EPHA6: variants seen among roughly 807,000 people sequenced by gnomAD.
The protein encoded by EPHA6 is ephrin type-A receptor 6.
In EPHA6, 50 loss-of-function variants were observed where a neutral mutation model predicts 112.0. The observed-to-expected ratio is 0.45, with a 90% confidence interval of 0.36 to 0.56. The LOEUF is 0.56. Among genes scored for constraint, EPHA6 ranks in the 20% least tolerant of loss-of-function variants. The pLI, the probability that EPHA6 is intolerant of heterozygous loss-of-function variation, is 0.00. For synonymous variants in EPHA6, 529 were observed against 490.7 expected (o/e 1.08, Z -1.03); for missense variants, 1,280 against 1,417.4 (o/e 0.90, Z 1.56).
intron 14 of EPHA6, among the ~76,000 whole-genome samples, chr3:97,639,852 C>T (rs1402553033): frequency 6.6e-6 from 1 of 152,146 alleles, no homozygotes; most frequent in Non-Finnish European, 1.5e-5. Context: ...AATATTAACA[C>T]TCTAAAAACT....
chr3:97,492,519 G>T (rs1167352528), intron 10 of EPHA6, among the ~76,000 whole-genome samples: 3 of 114,724 alleles, frequency 2.6e-5, no homozygotes, highest in Non-Finnish European at 5.0e-5. Context: ...TCCATCCTGG[G>T]TGACAGAGCG....
chr3:97,591,624 A>G (rs2093545450), intron 11 of EPHA6, among the ~76,000 whole-genome samples: 1 of 152,174 alleles, frequency 6.6e-6, no homozygotes, highest in Non-Finnish European at 1.5e-5. Flanking sequence ...ATCAGTTACC[A>G]GTGATGCCCA....
chr3:97,470,774 T>C (rs2091206462), intron 7 of EPHA6, among the ~76,000 whole-genome samples: 1 of 151,652 alleles, frequency 6.6e-6, no homozygotes, highest in Non-Finnish European at 1.5e-5. Context: ...GGATAATTGC[T>C]TCCTCTTAAG....
chr3:97,496,419 T>C (rs992194223), intron 10 of EPHA6, among the ~76,000 whole-genome samples: 2 of 152,176 alleles, frequency 1.3e-5, no homozygotes, highest in African/African-American at 2.4e-5. Context: ...ATGTCTATTT[T>C]ACAGATACGA....
intron 8 of EPHA6, 142 bp downstream of exon 8, chr3:97,475,602 C>CA (rs1553786287): frequency 1.8e-6 from 1 of 568,202 alleles, no homozygotes; most frequent in Non-Finnish European, 3.1e-6. Context: ...GACAGTGAAC[C>CA]ATCATTAGTT....
intron 7 of EPHA6, among the ~76,000 whole-genome samples, chr3:97,461,856 C>A (rs1164756229): frequency 1.3e-5 from 2 of 152,164 alleles, no homozygotes; most frequent in Non-Finnish European, 2.9e-5. Context: ...GTTTTGACTT[C>A]TGAGATACCA....
At chr3:97,294,477 A>G (rs1394193927) in intron 5 of EPHA6, among the ~76,000 whole-genome samples, 1 of 151,902 alleles carries the variant, frequency 6.6e-6, no homozygotes, top group African/African-American at 2.4e-5. Flanking sequence ...TCATTCAACC[A>G]GTCTATATTT....
intron 7 of EPHA6, among the ~76,000 whole-genome samples, chr3:97,474,650 G>T (rs1269166889): frequency 6.6e-6 from 1 of 151,872 alleles, no homozygotes; most frequent in Non-Finnish European, 1.5e-5. Context: ...AATGATATAT[G>T]TTAAAAGATT....
In EPHA6 at chr3:96,896,935, G is replaced by A. The variant is rs548221724; in HGVS notation, c.450+30046G>A. Among the ~76,000 whole-genome samples, 384 of 152,136 alleles carry A rather than the reference G, an allele frequency of 2.5e-3. 4 individuals are homozygous for A. The highest frequency in any genetic ancestry group is 9.1e-3 in the African/African-American group (376 of 41,500). On this transcript the variant is annotated intron_variant, in intron 2 of 17. Transcript: ENST00000389672. ...AAAAAGTTACCACAAAATTAAAACAGCTATTTTCCCAAATATTATTATAGT... is the reference window on the plus strand; with the variant it reads ...AAAAAGTTACCACAAAATTAAAACAACTATTTTCCCAAATATTATTATAGT...
intron 3 of EPHA6, among the ~76,000 whole-genome samples, chr3:97,210,197 G>T (rs1027730360): frequency 6.6e-6 from 1 of 152,080 alleles, no homozygotes; most frequent in South Asian, 2.1e-4. Flanking sequence ...GCCAGAGAAT[G>T]GGTAATTTAT....
chr3:97,168,629 C>G (rs2076604940), intron 3 of EPHA6, among the ~76,000 whole-genome samples: 1 of 151,592 alleles, frequency 6.6e-6, no homozygotes, highest in Non-Finnish European at 1.5e-5. Context: ...CTCTCTTTCT[C>G]TCTCCTGCCG....
intron 9 of EPHA6, chr3:97,481,376 T>C: frequency 6.6e-7 from 1 of 1,522,696 alleles, no homozygotes; most frequent in Non-Finnish European, 9.1e-7. Flanking sequence ...AGAAGGAGTT[T>C]CTACTCCCTG....
At chr3:96,818,220 T>G (rs951139979) in intron 1 of EPHA6, among the ~76,000 whole-genome samples, 9 of 152,012 alleles carry the variant, frequency 5.9e-5, no homozygotes, top group Non-Finnish European at 8.8e-5. Flanking sequence ...AAGTTAACCA[T>G]TTACCGTGTA....
intron 2 of EPHA6, 45 bp from the exon 3 acceptor site, chr3:96,987,285 C>T: frequency 6.8e-7 from 1 of 1,481,138 alleles, no homozygotes; most frequent in Non-Finnish European, 9.1e-7. Flanking sequence ...TCTGTTTAAT[C>T]ACTGTGGTTT....
intron 15 of EPHA6, among the ~76,000 whole-genome samples, chr3:97,729,907 G>C (rs1398450896): frequency 4.6e-5 from 7 of 152,012 alleles, no homozygotes; most frequent in African/African-American, 1.7e-4. Context: ...TTTCCACAAA[G>C]ATGTGAAGAA....
intron 11 of EPHA6, among the ~76,000 whole-genome samples, chr3:97,552,976 T>C (rs2093050101): frequency 6.6e-6 from 1 of 152,170 alleles, no homozygotes; most frequent in Non-Finnish European, 1.5e-5. Context: ...TACTTTGTGA[T>C]TCACTAGTGT....
intron 5 of EPHA6, among the ~76,000 whole-genome samples, chr3:97,311,442 T>TCACA (rs35415439): frequency 0.011 from 1,643 of 144,120 alleles, 23 homozygotes; most frequent in African/African-American, 0.023. Context: ...GATTACACTT[T>TCACA]CACACACACA....
chr3:97,284,552 G>T (rs2080400155), intron 5 of EPHA6, among the ~76,000 whole-genome samples: 1 of 152,004 alleles, frequency 6.6e-6, no homozygotes, highest in Admixed American at 6.6e-5. Context: ...CTCCTCTACT[G>T]AACTGGCTTT....
chr3:97,048,855 G>A (rs573516574), intron 3 of EPHA6, among the ~76,000 whole-genome samples: 7 of 152,268 alleles, frequency 4.6e-5, no homozygotes, highest in Admixed American at 1.3e-4. Flanking sequence ...GCAGAAAAAC[G>A]TGAAGCAATG....
Sources: allele counts gnomAD v4.1 joint callset (sites outside exome capture counted in the v4.1 genomes callset), GRCh38; gene constraint gnomAD v4.1.1; transcripts MANE v1.5; gene names NCBI Gene and HGNC (gene_info 2026-07-23, HGNC 2026-07-21).